DNAH7: variants seen among roughly 807,000 people sequenced by gnomAD.
DNAH7 encodes the protein dynein axonemal heavy chain 7.
DNAH7 carries 397 observed loss-of-function variants against 444.6 expected under a neutral mutation model. The observed-to-expected ratio is 0.89, with a 90% CI of 0.82 to 0.97. The LOEUF is 0.97. DNAH7 is among the 50% of genes least tolerant of loss of function. The pLI, the probability that DNAH7 is intolerant of heterozygous loss-of-function variation, is 0.00. For missense variants in DNAH7, 4,902 were observed against 4,800.8 expected (o/e 1.02, Z -0.62); for synonymous variants, 1,636 against 1,624.4 (o/e 1.01, Z -0.17).
chr2:195,781,597 T>C (rs1695379276), intron 58 of DNAH7, among the ~76,000 whole-genome samples: 1 of 152,062 alleles, frequency 6.6e-6, no homozygotes, highest in African/African-American at 2.4e-5. Context: ...AGAGAGTAGG[T>C]GAAAACAGGG....
intron 44 of DNAH7, among the ~76,000 whole-genome samples, chr2:195,856,497 C>G (rs1395406934): frequency 6.6e-6 from 1 of 152,124 alleles, no homozygotes; most frequent in Non-Finnish European, 1.5e-5. Context: ...GTCATGTTAT[C>G]TAACAAACAT....
chr2:195,964,082 G>C (rs1373461434), intron 17 of DNAH7, among the ~76,000 whole-genome samples: 2 of 152,076 alleles, frequency 1.3e-5, no homozygotes, highest in African/African-American at 2.4e-5. Flanking sequence ...AGATAGCTTT[G>C]GCTATTCTAA....
At chr2:195,763,013 TTC>T (rs1250675819) in intron 61 of DNAH7, among the ~76,000 whole-genome samples, 2 of 152,210 alleles carry the variant, frequency 1.3e-5, no homozygotes, top group African/African-American at 4.8e-5. Flanking sequence ...ATCAAGTATC[TTC>T]TCTGACTACA....
intron 15 of DNAH7, among the ~76,000 whole-genome samples, chr2:195,975,472 A>G (rs1219953067): frequency 6.6e-6 from 1 of 152,222 alleles, no homozygotes; most frequent in Non-Finnish European, 1.5e-5. Context: ...CTGAGGCTCT[A>G]AACAACTTGA....
At position 195,750,152 on chromosome 2, in the gene DNAH7, T is replaced by C. The variant is rs1693711330; in HGVS notation, c.11764+4185A>G. 4.6e-5 allele frequency among the ~76,000 whole-genome samples: 7 copies of C among 152,308 alleles called. No homozygotes were observed. In the South Asian group the frequency reaches 1.5e-3, roughly 32 times the overall value. ...ATCCTTTAATAAGTTGTGCTTTATT[T>C]TTACTCCACTGTTTTCAAGATGATT... On this transcript the variant is annotated intron_variant, in intron 63 of 64. Transcript: ENST00000312428.
intron 24 of DNAH7, among the ~76,000 whole-genome samples, chr2:195,914,209 A>C (rs1687531529): frequency 6.6e-6 from 1 of 152,264 alleles, no homozygotes; most frequent in South Asian, 2.1e-4. Context: ...TTAAATACAG[A>C]AACTCTATAT....
chr2:195,797,161 C>T (rs1219372218), intron 55 of DNAH7, among the ~76,000 whole-genome samples: 3 of 152,212 alleles, frequency 2.0e-5, no homozygotes, highest in Non-Finnish European at 2.9e-5. Context: ...ATTTTAGTTA[C>T]TTTGGCTACT....
intron 12 of DNAH7, among the ~76,000 whole-genome samples, chr2:195,989,002 C>T (rs1693114434): frequency 1.3e-5 from 2 of 152,132 alleles, no homozygotes; most frequent in African/African-American, 4.8e-5. Flanking sequence ...CATATAATTG[C>T]AAATGACAGG....
intron 5 of DNAH7, among the ~76,000 whole-genome samples, chr2:196,044,108 T>C (rs1696942633): frequency 6.6e-6 from 1 of 151,830 alleles, no homozygotes; most frequent in Admixed American, 6.6e-5. Context: ...TGCACACACG[T>C]TTATAGCAGC....
At chr2:195,939,544 C>G (rs1040809311) in intron 19 of DNAH7, among the ~76,000 whole-genome samples, 1 of 152,114 alleles carries the variant, frequency 6.6e-6, no homozygotes, top group East Asian at 1.9e-4. Context: ...GATGTTGTAA[C>G]AGGAAGCTAC....
At chr2:195,957,502 A>C (rs1259645424) in intron 18 of DNAH7, 55 bp from the exon 19 acceptor site, 1 of 1,404,236 alleles carries the variant, frequency 7.1e-7, no homozygotes, top group African/African-American at 1.4e-5. Flanking sequence ...AAATGTTTCA[A>C]ATGACAAAAT....
chr2:195,789,440 T>C (rs888546399), intron 57 of DNAH7, among the ~76,000 whole-genome samples: 1 of 152,128 alleles, frequency 6.6e-6, no homozygotes, highest in Admixed American at 6.5e-5. Context: ...GAAATAATAT[T>C]TTTACAATCA....
chr2:195,916,420 A>C (rs886758290), intron 24 of DNAH7, among the ~76,000 whole-genome samples: 3 of 152,122 alleles, frequency 2.0e-5, no homozygotes, highest in African/African-American at 7.2e-5. Flanking sequence ...TAAGTAGGGC[A>C]GGAGAGGGCT....
In DNAH7 at chr2:195,894,998, G is replaced by C; in HGVS notation, c.4874C>G (p.Ala1625Gly). The change falls in exon 30 of 65, where the codon GCA becomes GGA. Residue 1625 changes from alanine (A) to glycine (G), a missense_variant. Ala to Gly is a moderately conservative substitution (Grantham distance 60, BLOSUM62 0). Transcript: ENST00000312428. Reference sequence around the variant, plus strand: ...TGCCTTTTCACATATATCATTTAGTGCTCCAGCTAAGACACGATATGCACT... The same window carrying C: ...TGCCTTTTCACATATATCATTTAGTCCTCCAGCTAAGACACGATATGCACT... ...KTSAYRVLAG[A>G]LNDICEKGLM... 1 of 1,607,876 alleles carries C rather than the reference G, an allele frequency of 6.2e-7. No individual in the cohort carries two copies. Among genetic ancestry groups the C allele is most frequent in the Non-Finnish European group, 8.5e-7 (1 of 1,176,336 alleles).
In DNAH7 at chr2:195,990,811, GTATA is replaced by G. The variant is rs772571749; in HGVS notation, c.1354-2586_1354-2583del. The stretch of plus-strand genomic sequence containing the variant: ...TGTGTGTGTGTGTGTGTGTGTGTGT[GTATA>G]TATATATACTTAAATATATATACAT... On this transcript the variant is annotated intron_variant, in intron 12 of 64. Transcript: ENST00000312428. 6.2e-5 allele frequency among the ~76,000 whole-genome samples: 5 copies of G among 80,086 alleles called. No individual in the cohort carries two copies. The South Asian group carries it at 1.3e-3, about 21-fold the overall frequency. The allele number at this position is 80,086 out of a possible 152,430, so 52.5% of individuals were successfully genotyped here.
At chr2:195,738,639 TC>T (rs1208132033) in intron 64 of DNAH7, among the ~76,000 whole-genome samples, 1 of 152,190 alleles carries the variant, frequency 6.6e-6, no homozygotes, top group African/African-American at 2.4e-5. Context: ...ATAACCACAA[TC>T]TATACCCCAT....
intron 10 of DNAH7, among the ~76,000 whole-genome samples, chr2:196,003,162 CAAA>C (rs796806394): frequency 2.5e-5 from 3 of 118,740 alleles, no homozygotes; most frequent in Non-Finnish European, 3.6e-5. Flanking sequence ...GCAATTTCAC[CAAA>C]AAAAAAAAAA....
At chr2:195,975,922 G>T (rs561531385) in intron 15 of DNAH7, among the ~76,000 whole-genome samples, 2 of 151,824 alleles carry the variant, frequency 1.3e-5, no homozygotes, top group East Asian at 3.9e-4. Context: ...AGCCAGTTAG[G>T]AAACACCCTG....
At chr2:195,837,848 T>C (rs914772638) in intron 47 of DNAH7, among the ~76,000 whole-genome samples, 5 of 152,220 alleles carry the variant, frequency 3.3e-5, no homozygotes, top group African/African-American at 7.2e-5. Context: ...AGTATTTTTC[T>C]TTTTTCTTAC....
Sources: gnomAD v4.1 joint callset for allele counts (sites outside exome capture counted in the v4.1 genomes callset) on GRCh38, gnomAD v4.1.1 for gene constraint, MANE v1.5 for transcripts, NCBI Gene and HGNC (gene_info 2026-07-23, HGNC 2026-07-21) for gene names.